The following FAM219A variants were observed in gnomAD, a reference collection of about 807,000 sequenced individuals.
The protein encoded by FAM219A is protein FAM219A.
FAM219A carries 7 observed loss-of-function variants against 23.4 expected under a neutral mutation model. That is an observed-to-expected ratio of 0.30 (90% CI 0.17 to 0.56). The LOEUF (loss-of-function observed/expected upper bound fraction) is 0.56, where lower values mean the gene tolerates loss of function less well. Ranked by LOEUF, FAM219A falls within the 20% of genes least tolerant of loss-of-function variation. The pLI, the probability that FAM219A is intolerant of heterozygous loss-of-function variation, is 0.92. For synonymous variants in FAM219A, 93 were observed against 99.0 expected (o/e 0.94, Z 0.36); for missense variants, 166 against 246.9 (o/e 0.67, Z 2.20).
At chr9:34,429,646 T>C (rs1057284179) in intron 1 of FAM219A, among the ~76,000 whole-genome samples, 4 of 152,186 alleles carry the variant, frequency 2.6e-5, no homozygotes, top group African/African-American at 9.7e-5. Context: ...GCCATGTGCA[T>C]GACTAGGGTT....
chr9:34,427,452 T>C (rs915365785), intron 1 of FAM219A, among the ~76,000 whole-genome samples: 6 of 152,230 alleles, frequency 3.9e-5, no homozygotes, highest in African/African-American at 1.4e-4. Context: ...GATCCTTCTA[T>C]AATGTAGTCT....
intron 1 of FAM219A, among the ~76,000 whole-genome samples, chr9:34,448,072 TG>T (rs146805521): frequency 0.021 from 3,161 of 152,260 alleles, 92 homozygotes; most frequent in East Asian, 0.12. Flanking sequence ...GGTCTCACTA[TG>T]TTGCCCAGGC....
intron 1 of FAM219A, among the ~76,000 whole-genome samples, chr9:34,421,549 G>GGAA (rs2131964579): frequency 6.6e-6 from 1 of 152,158 alleles, no homozygotes; most frequent in Admixed American, 6.5e-5. Flanking sequence ...GGCATCAATA[G>GGAA]GAAGGGGTAC....
chr9:34,421,571 C>G (rs924367197), intron 1 of FAM219A, among the ~76,000 whole-genome samples: 13 of 152,008 alleles, frequency 8.6e-5, no homozygotes, highest in Non-Finnish European at 1.8e-4. Flanking sequence ...ACCTCGTACT[C>G]CAGGCATCAA....
chr9:34,442,078 T>C (rs1823195862), intron 1 of FAM219A, among the ~76,000 whole-genome samples: 1 of 152,242 alleles, frequency 6.6e-6, no homozygotes, highest in South Asian at 2.1e-4. Flanking sequence ...ACATATGTTA[T>C]GTGCTTCCTG....
At chr9:34,456,434 T>G (rs1166562658) in intron 1 of FAM219A, among the ~76,000 whole-genome samples, 2 of 152,230 alleles carry the variant, frequency 1.3e-5, no homozygotes, top group Non-Finnish European at 2.9e-5. Flanking sequence ...TCTTCTCCCC[T>G]TTCCTTGAAC....
At chr9:34,421,881 C>A (rs12551477) in intron 1 of FAM219A, among the ~76,000 whole-genome samples, 21,256 of 152,128 alleles carry the variant, frequency 0.14, 1,547 homozygotes, top group African/African-American at 0.17. Flanking sequence ...AGGTCTGGAA[C>A]CTGAATTGTC....
chr9:34,457,405 C>T lies in FAM219A; in HGVS notation c.60+799G>A, dbSNP rs1212881840. 6.5e-6 allele frequency: 1 copy of T among 153,060 alleles called. No homozygotes were observed. Among genetic ancestry groups the T allele is most frequent in the African/African-American group, 2.4e-5 (1 of 41,472 alleles). The allele number at this position is 153,060 out of a possible 1,614,324, so 9.5% of individuals were successfully genotyped here. On this transcript the variant is annotated intron_variant, in intron 1 of 5. Coordinates refer to ENST00000651358, the MANE Select transcript of FAM219A (RefSeq NM_001184940.2). The surrounding 1 kb of genome is among the most constrained non-coding windows in gnomAD (Gnocchi z 5.1). Reference sequence around the variant, plus strand: ...CGCCAGCAGCGATGACATCATTCCTCCCTGACTCCGGGACCGCGGACAGGC... The same window carrying T: ...CGCCAGCAGCGATGACATCATTCCTTCCTGACTCCGGGACCGCGGACAGGC...
intron 1 of FAM219A, among the ~76,000 whole-genome samples, chr9:34,408,403 G>C (rs1330715868): frequency 6.6e-6 from 1 of 152,204 alleles, no homozygotes; most frequent in Non-Finnish European, 1.5e-5. Flanking sequence ...GTGAGCCCCA[G>C]AGACTGCTCA....
intron 1 of FAM219A, among the ~76,000 whole-genome samples, chr9:34,438,364 C>G (rs1823010036): frequency 6.6e-6 from 1 of 152,274 alleles, no homozygotes; most frequent in African/African-American, 2.4e-5. Context: ...GCAGCTCCAC[C>G]TGCAGCACCG....
rs1433031308 is a variant in FAM219A at position 34,430,193 on chromosome 9, C to T, written c.61-24229G>A. 4.6e-5 allele frequency among the ~76,000 whole-genome samples: 7 copies of T among 152,128 alleles called. No individual in the cohort carries two copies. The East Asian group carries it at 1.4e-3, about 29-fold the overall frequency. ...GTCTTGGAAAGAGAAGAGGTCATGC[C>T]CCTTTCACAGCGAAAGACATGTGCA... On this transcript the variant is annotated intron_variant, in intron 1 of 5. Coordinates refer to ENST00000651358, the MANE Select transcript of FAM219A (RefSeq NM_001184940.2).
chr9:34,441,376 C>G (rs1823167682), intron 1 of FAM219A, among the ~76,000 whole-genome samples: 1 of 152,204 alleles, frequency 6.6e-6, no homozygotes, highest in South Asian at 2.1e-4. Context: ...GCAGGAGCTT[C>G]ATGAAGTGAG....
rs750876428 is a variant in FAM219A at position 34,401,720 on chromosome 9, G to A, written c.345C>T (p.Ser115=). 6.2e-6 allele frequency: 10 copies of A among 1,607,008 alleles called. No homozygotes were observed. The highest frequency in any genetic ancestry group is 1.7e-5 in the Admixed American group (1 of 58,752). Residue 115 remains serine (S), a splice_region_variant and synonymous_variant, in exon 5 of 6, where the codon AGC becomes AGT. Transcript: ENST00000651358. ...EKPLVALDTD[S]DDDFDMSRYS... is the part of the protein sequence containing the mutation. ...ATCTAGACATGTCAAAGTCATCATCGCTGGCCATGGAGGAAAGAGAGGGAA... is the reference window on the plus strand; with the variant it reads ...ATCTAGACATGTCAAAGTCATCATCACTGGCCATGGAGGAAAGAGAGGGAA...
rs1243428151 is a variant in FAM219A at position 34,458,565 on chromosome 9, T to C, written c.-302A>G. 5.1e-6 allele frequency: 2 copies of C among 392,268 alleles called. No homozygotes were observed. The highest frequency in any genetic ancestry group is 3.1e-5 in the South Asian group (1 of 32,248). The allele number at this position is 392,268 out of a possible 1,614,324, so 24.3% of individuals were successfully genotyped here. A position where few individuals can be genotyped will look rare whatever the true frequency, so the allele number is the denominator to read the frequency against. Reference sequence around the variant, plus strand: ...CCTGTCAGCAGCTCAGCCACTGCGGTGACTCGGCAACTCCACTTCCGGGTC... The same window carrying C: ...CCTGTCAGCAGCTCAGCCACTGCGGCGACTCGGCAACTCCACTTCCGGGTC... On this transcript the variant is annotated 5_prime_UTR_variant, in exon 1 of 6. Coordinates refer to ENST00000651358, the MANE Select transcript of FAM219A (RefSeq NM_001184940.2). This position sits in a 1 kb window ranked among gnomAD's most constrained non-coding sequence, Gnocchi z 6.6.
chr9:34,409,944 G>T (rs1000549288), intron 1 of FAM219A, among the ~76,000 whole-genome samples: 3 of 152,234 alleles, frequency 2.0e-5, no homozygotes, highest in African/African-American at 4.8e-5. Context: ...AACAAGTAGA[G>T]AAAATAGTAT....
At chr9:34,442,770 G>A (rs1823228317) in intron 1 of FAM219A, among the ~76,000 whole-genome samples, 1 of 151,902 alleles carries the variant, frequency 6.6e-6, no homozygotes, top group South Asian at 2.1e-4. Context: ...TTTTTAAGAT[G>A]TTAAGGAATT....
At chr9:34,401,262 A>AC (rs1176418532) in intron 5 of FAM219A, 140 bp from the exon 6 acceptor site, 1 of 1,072,108 alleles carries the variant, frequency 9.3e-7, no homozygotes, top group East Asian at 2.5e-5. Flanking sequence ...GTCTGTCTGT[A>AC]CCCCCAGGCC....
chr9:34,440,565 T>C (rs1823128917), intron 1 of FAM219A, among the ~76,000 whole-genome samples: 1 of 151,908 alleles, frequency 6.6e-6, no homozygotes, highest in African/African-American at 2.4e-5. Flanking sequence ...AAAAAACAAT[T>C]TTTGGCCAGG....
intron 1 of FAM219A, among the ~76,000 whole-genome samples, chr9:34,449,805 C>G (rs954936527): frequency 6.6e-6 from 1 of 152,188 alleles, no homozygotes; most frequent in African/African-American, 2.4e-5. Flanking sequence ...TGCAGGATAT[C>G]TCAGAGTCTT....
Sources: gnomAD v4.1 joint callset for allele counts (sites outside exome capture counted in the v4.1 genomes callset) on GRCh38, gnomAD v4.1.1 for gene constraint, Gnocchi (gnomAD v3.1) non-coding constraint, MANE v1.5 for transcripts, NCBI Gene and HGNC (gene_info 2026-07-23, HGNC 2026-07-21) for gene names.